Variants in CPS1 observed in about 807,000 individuals in gnomAD.
The protein encoded by CPS1 is carbamoyl-phosphate synthase [ammonia], mitochondrial.
In CPS1, 109 loss-of-function variants were observed where a neutral mutation model predicts 174.6. That is an observed-to-expected ratio of 0.62 (90% CI 0.53 to 0.73). The LOEUF (loss-of-function observed/expected upper bound fraction) is 0.73, where lower values mean the gene tolerates loss of function less well. Among genes scored for constraint, CPS1 ranks in the 30% least tolerant of loss-of-function variants. The pLI is 0.00. For synonymous variants in CPS1, 637 were observed against 632.0 expected, an observed-to-expected ratio of 1.01 and a Z score of -0.12; for missense variants, 1,689 against 1,821.9, an observed-to-expected ratio of 0.93 and a Z score of 1.33.
At chr2:210,579,336 G>A (rs543001911) in intron 4 of CPS1, among the ~76,000 whole-genome samples, 84 of 152,234 alleles carry the variant, frequency 5.5e-4, no homozygotes, top group Non-Finnish European at 3.4e-4. Flanking sequence ...AGAAAAATGT[G>A]TTGAGTGCCT....
chr2:210,567,609 C>T (rs1463526730), intron 1 of CPS1, among the ~76,000 whole-genome samples: 1 of 152,066 alleles, frequency 6.6e-6, no homozygotes, highest in African/African-American at 2.4e-5. Flanking sequence ...TTCTACATAA[C>T]ATAGGTAATT....
In CPS1 at chr2:210,677,895, AC is replaced by A. The variant is rs755682125; in HGVS notation, c.4414del (p.Leu1472PhefsTer48). On this transcript the variant is annotated frameshift_variant, in exon 38 of 38. Coordinates refer to ENST00000233072, the MANE Select transcript of CPS1 (RefSeq NM_001875.5). LOFTEE classifies it high-confidence loss of function. ...PLLTNFQVTK[L>X]FAEAVQKSRK... ...TACCATTATATTTTCAGGTGACCAA[AC>A]TTTTTGCTGAAGCTGTGCAGAAATC... is the stretch of plus-strand genomic sequence containing the variant. 1 of 1,613,836 alleles carries A rather than the reference AC, an allele frequency of 6.2e-7. No individual in the cohort carries two copies.
Position 210,637,722 on chromosome 2 carries a change from C to T in CPS1, c.2708C>T (p.Thr903Ile). The T allele has an allele frequency of 6.2e-7, 1 of 1,613,974 alleles. No homozygotes were observed. Among genetic ancestry groups the T allele is most frequent in the East Asian group, 2.2e-5 (1 of 44,870 alleles). The change falls in exon 22 of 38, where the codon ACC becomes ATC. Residue 903 changes from threonine to isoleucine, a missense_variant. By Grantham distance (89) the Thr-to-Ile change is moderately conservative. Transcript: ENST00000233072. ...CCTAGTGAGTCCATGACAGAAGAAA[C>T]CCTGAAAAGGGCAAAGGAGATTGGG... The part of the protein sequence containing the change: ...GLNSESMTEE[T>I]LKRAKEIGFS...
At chr2:210,582,203 G>A (rs531519538) in intron 5 of CPS1, among the ~76,000 whole-genome samples, 43 of 152,022 alleles carry the variant, frequency 2.8e-4, no homozygotes, top group African/African-American at 9.6e-4. Flanking sequence ...ATGAATTCCC[G>A]CTTTTTTTGT....
intron 1 of CPS1, among the ~76,000 whole-genome samples, chr2:210,517,228 A>T (rs1695705687): frequency 6.6e-6 from 1 of 151,962 alleles, no homozygotes; most frequent in Non-Finnish European, 1.5e-5. Context: ...CTGTAATCAT[A>T]CTGTTCTCAG....
In CPS1 at chr2:210,577,476, C is replaced by T; in HGVS notation, c.437C>T (p.Thr146Ile). The stretch of plus-strand genomic sequence containing the variant: ...AAAGACTACAACCACTGGCTGGCTA[C>T]CAAGAGTTTAGGGCAATGGCTACAG... ...YSKDYNHWLATKSLGQWLQEE... is the reference protein window; with the variant it reads ...YSKDYNHWLAIKSLGQWLQEE... Residue 146 changes from threonine to isoleucine, a missense_variant, in exon 4 of 38, where the codon ACC (threonine) becomes ATC (isoleucine). Coordinates refer to ENST00000233072, the MANE Select transcript of CPS1 (RefSeq NM_001875.5). 26 of 1,613,694 alleles carry T rather than the reference C, an allele frequency of 1.6e-5. No individual in the cohort carries two copies. The highest frequency in any genetic ancestry group is 2.2e-5 in the Non-Finnish European group (26 of 1,179,848).
intron 1 of CPS1, among the ~76,000 whole-genome samples, chr2:210,533,814 G>C (rs760255706): frequency 9.2e-5 from 14 of 152,128 alleles, no homozygotes; most frequent in Non-Finnish European, 1.8e-4. Context: ...ACCAGACAGT[G>C]GCCTACCAGG....
intron 2 of CPS1, among the ~76,000 whole-genome samples, chr2:210,576,099 G>A (rs1697700405): frequency 6.6e-6 from 1 of 151,996 alleles, no homozygotes; most frequent in Admixed American, 6.6e-5. Context: ...TAAAGAAATT[G>A]AGGGAATAAA....
chr2:210,620,780 G>A (rs868585252), intron 21 of CPS1, among the ~76,000 whole-genome samples: 1 of 151,962 alleles, frequency 6.6e-6, no homozygotes, highest in African/African-American at 2.4e-5. Flanking sequence ...TGAGAAATCT[G>A]CTCCCATTAT....
chr2:210,540,862 C>T lies in CPS1; in HGVS notation c.4-15857C>T, dbSNP rs565401608. Among the ~76,000 whole-genome samples the T allele has an allele frequency of 3.3e-5, 5 of 152,244 alleles. No homozygotes were observed. In the East Asian group the frequency reaches 9.7e-4, roughly 30 times the overall value. The stretch of plus-strand genomic sequence containing the variant: ...TAATATTGACTACTATTATTTTCTT[C>T]ACATCCTAGTTAAGAATCTAGGATA... On this transcript the variant is annotated intron_variant, in intron 1 of 38. Transcript: ENST00000430249.
At position 210,489,870 on chromosome 2, in the gene CPS1, C is replaced by T. The variant is rs1040282544; in HGVS notation, c.3+12104C>T. On this transcript the variant is annotated intron_variant, in intron 1 of 38. Transcript: ENST00000430249. The stretch of plus-strand genomic sequence containing the variant: ...AAAATTAGCCGGGCGTGGTGGCGGA[C>T]GCCTGTAGTCCCAGCTACTTGGGAG... Among the ~76,000 whole-genome samples the T allele has an allele frequency of 1.8e-4, 27 of 151,804 alleles. 1 individual carries two copies. The highest frequency in any genetic ancestry group is 3.9e-4 in the African/African-American group (16 of 41,306).
intron 1 of CPS1, among the ~76,000 whole-genome samples, chr2:210,520,901 G>A (rs912828305): frequency 6.6e-6 from 1 of 151,986 alleles, no homozygotes; most frequent in Non-Finnish European, 1.5e-5. Flanking sequence ...AAATAAAGCT[G>A]CTAAGAGCAT....
At chr2:210,660,728 A>C (rs1700892035) in intron 32 of CPS1, 73 bp downstream of exon 32, 1 of 1,446,718 alleles carries the variant, frequency 6.9e-7, no homozygotes, top group Non-Finnish European at 9.7e-7. Flanking sequence ...GTCATCAAAA[A>C]TCTTGTTACT....
chr2:210,668,076 ATG>A (rs3217217), intron 33 of CPS1, 108 bp from the exon 34 acceptor site: 12,978 of 641,096 alleles, frequency 0.02, 1 homozygote, highest in Middle Eastern at 0.032. Context: ...TTGTGCGTGC[ATG>A]TGTGTGTGTG....
chr2:210,557,665 T>C (rs1473975598), intron 1 of CPS1, among the ~76,000 whole-genome samples: 2 of 152,132 alleles, frequency 1.3e-5, no homozygotes, highest in Admixed American at 6.6e-5. Context: ...AAATAATCTT[T>C]AGTGACTATA....
chr2:210,624,055 C>T (rs1359886265), intron 21 of CPS1, among the ~76,000 whole-genome samples: 1 of 152,056 alleles, frequency 6.6e-6, no homozygotes, highest in South Asian at 2.1e-4. Flanking sequence ...CATATAATCA[C>T]ATTATAATTT....
chr2:210,644,776 A>G (rs2105904121), intron 25 of CPS1, among the ~76,000 whole-genome samples: 1 of 152,234 alleles, frequency 6.6e-6, no homozygotes, highest in African/African-American at 2.4e-5. Flanking sequence ...ATGTTTTTCT[A>G]TTGAAAATAA....
intron 1 of CPS1, among the ~76,000 whole-genome samples, chr2:210,530,922 A>T (rs1367235267): frequency 1.3e-5 from 2 of 151,978 alleles, no homozygotes; most frequent in Non-Finnish European, 2.9e-5. Context: ...AATTATGCAC[A>T]GTAAGCTTGG....
At chr2:210,507,453 G>C (rs1343309704) in intron 1 of CPS1, among the ~76,000 whole-genome samples, 1 of 152,164 alleles carries the variant, frequency 6.6e-6, no homozygotes, top group Non-Finnish European at 1.5e-5. Context: ...GCGAGGCTAG[G>C]AAGAAAGTGC....
Sources: allele counts gnomAD v4.1 joint callset (sites outside exome capture counted in the v4.1 genomes callset), GRCh38; gene constraint gnomAD v4.1.1; transcripts MANE v1.5; gene names NCBI Gene and HGNC (gene_info 2026-07-23, HGNC 2026-07-21).